Variants in ANKS1B observed in about 807,000 individuals in gnomAD.
ANKS1B encodes the protein ankyrin repeat and sterile alpha motif domain containing 1B, also known as ankyrin repeat and sterile alpha motif domain-containing protein 1B.
Under a neutral mutation model 148.3 loss-of-function variants are expected in ANKS1B, and 36 were observed. The observed-to-expected ratio is 0.24, with a 90% CI of 0.19 to 0.32. The LOEUF is 0.32. Ranked by LOEUF, ANKS1B falls within the 10% of genes least tolerant of loss-of-function variation. ANKS1B has a pLI of 1.00. For synonymous variants in ANKS1B, 542 were observed against 560.8 expected (o/e 0.97, Z 0.47); for missense variants, 1,157 against 1,542.6 (o/e 0.75, Z 4.19).
At chr12:99,240,006 A>G (rs1789245766) in intron 14 of ANKS1B, among the ~76,000 whole-genome samples, 1 of 152,146 alleles carries the variant, frequency 6.6e-6, no homozygotes, top group African/African-American at 2.4e-5. Context: ...GAAACTGTGG[A>G]ATTAACAGGC....
chr12:98,814,469 C>A (rs934549690), intron 19 of ANKS1B, among the ~76,000 whole-genome samples: 7 of 152,192 alleles, frequency 4.6e-5, no homozygotes, highest in Non-Finnish European at 7.3e-5. Flanking sequence ...CTTTCATAAG[C>A]TATGTCACTG....
At chr12:99,017,640 T>C (rs1403235974) in intron 17 of ANKS1B, among the ~76,000 whole-genome samples, 1 of 152,108 alleles carries the variant, frequency 6.6e-6, no homozygotes, top group Admixed American at 6.6e-5. Context: ...GTGGCACCCA[T>C]TCCCTAGCCC....
At chr12:98,981,652 A>G (rs759843185) in intron 17 of ANKS1B, among the ~76,000 whole-genome samples, 1 of 152,198 alleles carries the variant, frequency 6.6e-6, no homozygotes, top group Non-Finnish European at 1.5e-5. Flanking sequence ...TCAGTTTTTA[A>G]TGGGAGGTTA....
At chr12:98,948,947 C>CTTTTTTTTTTTGTTTTTTT (rs2099849779) in intron 17 of ANKS1B, among the ~76,000 whole-genome samples, 2 of 84,866 alleles carry the variant, frequency 2.4e-5, no homozygotes, top group Non-Finnish European at 4.1e-5. Flanking sequence ...GCATGAGCTA[C>CTTTTTTTTTTTGTTTTTTT]TTTTTTTTTT....
intron 9 of ANKS1B, among the ~76,000 whole-genome samples, chr12:99,603,962 A>G (rs1489139668): frequency 6.6e-6 from 1 of 152,084 alleles, no homozygotes; most frequent in East Asian, 1.9e-4. Flanking sequence ...TATGATCCCA[A>G]AGTTATCAGA....
rs1411180628 is a variant in ANKS1B at position 98,744,577 on chromosome 12, A to AAAAT, written c.*1158_*1161dup. The AAAAT allele has an allele frequency of 2.9e-6, 2 of 688,534 alleles. No individual in the cohort carries two copies. Among genetic ancestry groups the AAAAT allele is most frequent in the Non-Finnish European group, 3.6e-6 (2 of 559,194 alleles). The allele number at this position is 688,534 out of a possible 1,614,324, so 42.7% of individuals were successfully genotyped here. On this transcript the variant is annotated 3_prime_UTR_variant, in exon 27 of 27. Transcript: ENST00000683438. ...TACTCCACAGAGACATTAAAAAATTAAAATACCTTAAAGAAATGTAAGTAA... is the reference window on the plus strand; with the variant it reads ...TACTCCACAGAGACATTAAAAAATTAAAATAAATACCTTAAAGAAATGTAAGTAA...
intron 17 of ANKS1B, among the ~76,000 whole-genome samples, chr12:99,029,514 T>G (rs982613546): frequency 6.6e-6 from 1 of 152,346 alleles, no homozygotes; most frequent in Non-Finnish European, 1.5e-5. Flanking sequence ...TTTCTCCCCA[T>G]GTACTCCTTC....
rs143800860 is a variant in ANKS1B, at chr12:99,403,152, CTTTTTTTTTTTTT to C, written c.1576-3354_1576-3342del. Among the ~76,000 whole-genome samples, 28 of 73,158 alleles carry C rather than the reference CTTTTTTTTTTTTT, an allele frequency of 3.8e-4. 4 individuals are homozygous for C. The highest frequency in any genetic ancestry group is 1.8e-3 in the African/African-American group (28 of 15,324). The allele number at this position is 73,158 out of a possible 152,430, so 48.0% of individuals were successfully genotyped here. A position where few individuals can be genotyped will look rare whatever the true frequency, so the allele number is the denominator to read the frequency against. On this transcript the variant is annotated intron_variant, in intron 11 of 26. Coordinates refer to ENST00000683438, the MANE Select transcript of ANKS1B (RefSeq NM_001352186.2). The stretch of plus-strand genomic sequence containing the variant: ...CAGCAGTGTCTGTTCACTTTTCTTT[CTTTTTTTTTTTTT>C]TTTTTTTTTTTTTGAGACGGAGTCT...
Position 99,497,845 on chromosome 12 carries a change from C to A in ANKS1B, c.1438+6631G>T, listed in dbSNP as rs1442972154. Among the ~76,000 whole-genome samples the A allele has an allele frequency of 2.6e-5, 4 of 151,998 alleles. No individual in the cohort carries two copies. In the East Asian group the frequency reaches 7.7e-4, roughly 29 times the overall value. On this transcript the variant is annotated intron_variant, in intron 10 of 26. Transcript: ENST00000683438. ...AGTCTTTCTCTTTCTCTCTCTCTCT[C>A]TCTCCACCCCCACCTCCACCACCCT...
chr12:99,375,888 C>T (rs975200586), intron 12 of ANKS1B, among the ~76,000 whole-genome samples: 1 of 152,194 alleles, frequency 6.6e-6, no homozygotes, highest in African/African-American at 2.4e-5. Context: ...CACACTTCCT[C>T]TCTCTTCCTC....
Position 99,571,693 on chromosome 12 carries a change from C to T in ANKS1B, c.1273-67052G>A, listed in dbSNP as rs368834414. On this transcript the variant is annotated intron_variant, in intron 9 of 26. Coordinates refer to ENST00000683438, the MANE Select transcript of ANKS1B (RefSeq NM_001352186.2). ...CAGAAAATGATTCTTCTTAAAGGGA[C>T]TTGATTATTTCAATGATCATAGAGC... 2.4e-3 allele frequency among the ~76,000 whole-genome samples: 371 copies of T among 152,152 alleles called. 1 individual carries two copies. The highest frequency in any genetic ancestry group is 8.2e-3 in the African/African-American group (340 of 41,546).
At chr12:99,013,614 T>G (rs1229718036) in intron 17 of ANKS1B, among the ~76,000 whole-genome samples, 1 of 152,102 alleles carries the variant, frequency 6.6e-6, no homozygotes, top group African/African-American at 2.4e-5. Context: ...CTAGAAAACC[T>G]CATAATCTCA....
At chr12:99,207,712 C>A (rs2082852663) in intron 14 of ANKS1B, among the ~76,000 whole-genome samples, 1 of 151,848 alleles carries the variant, frequency 6.6e-6, no homozygotes, top group Non-Finnish European at 1.5e-5. Context: ...GAAGTAACTC[C>A]AAATATGAGA....
chr12:99,483,399 T>C (rs886200626), intron 10 of ANKS1B, among the ~76,000 whole-genome samples: 8 of 151,964 alleles, frequency 5.3e-5, no homozygotes, highest in African/African-American at 9.7e-5. Context: ...TTTGGTTAGC[T>C]AGTATTTTGT....
At chr12:99,619,071 G>A (rs2098011728) in intron 9 of ANKS1B, among the ~76,000 whole-genome samples, 1 of 151,984 alleles carries the variant, frequency 6.6e-6, no homozygotes, top group South Asian at 2.1e-4. Context: ...TGCCATTGTT[G>A]GGTGCTCCAG....
chr12:98,900,147 C>G (rs1444506021), intron 17 of ANKS1B, among the ~76,000 whole-genome samples: 3 of 152,194 alleles, frequency 2.0e-5, no homozygotes, highest in Non-Finnish European at 2.9e-5. Context: ...GCACCTGAAA[C>G]TAGACACACC....
intron 15 of ANKS1B, among the ~76,000 whole-genome samples, chr12:99,113,555 C>T (rs1190099414): frequency 6.6e-6 from 1 of 152,198 alleles, no homozygotes; most frequent in Non-Finnish European, 1.5e-5. Flanking sequence ...TTCAATTCCC[C>T]TTCCTGAAAC....
At chr12:99,201,511 T>C (rs10507108) in intron 14 of ANKS1B, among the ~76,000 whole-genome samples, 18,818 of 152,200 alleles carry the variant, frequency 0.12, 1,392 homozygotes, top group South Asian at 0.25. Context: ...TCTGGAACAG[T>C]TGAATAAATT....
At chr12:99,845,404 ATACCTAGTT>A (rs1294875896) in intron 1 of ANKS1B, among the ~76,000 whole-genome samples, 5 of 152,134 alleles carry the variant, frequency 3.3e-5, no homozygotes, top group African/African-American at 1.2e-4. Flanking sequence ...TGTTCTTTCA[ATACCTAGTT>A]TACTGAGAGT....
Sources: allele counts gnomAD v4.1 joint callset (sites outside exome capture counted in the v4.1 genomes callset), GRCh38; gene constraint gnomAD v4.1.1; transcripts MANE v1.5; gene names NCBI Gene and HGNC (gene_info 2026-07-23, HGNC 2026-07-21).